Variants in PTPRT observed in about 807,000 individuals in gnomAD.
The protein encoded by PTPRT is protein tyrosine phosphatase receptor type T.
In PTPRT, 56 loss-of-function variants were observed where a neutral mutation model predicts 176.8. The ratio of observed to expected loss-of-function variants is 0.32; its 90% CI spans 0.26 to 0.40. PTPRT has a LOEUF of 0.40. Ranked by LOEUF, PTPRT falls within the 10% of genes least tolerant of loss-of-function variation. PTPRT has a pLI of 1.00. For synonymous variants in PTPRT, 783 were observed against 739.0 expected, an observed-to-expected ratio of 1.06 and a Z score of -0.96; for missense variants, 1,540 against 1,908.2, an observed-to-expected ratio of 0.81 and a Z score of 3.60.
At chr20:42,830,666 T>C (rs2078069454) in intron 2 of PTPRT, among the ~76,000 whole-genome samples, 1 of 152,000 alleles carries the variant, frequency 6.6e-6, no homozygotes, top group Non-Finnish European at 1.5e-5. Context: ...TCCCCCTGTT[T>C]GCATACAACA....
chr20:42,674,979 T>C (rs947193301), intron 7 of PTPRT, among the ~76,000 whole-genome samples: 1 of 152,188 alleles, frequency 6.6e-6, no homozygotes, highest in African/African-American at 2.4e-5. Flanking sequence ...TGTGATTTTG[T>C]ATGTGAGAAA....
At chr20:42,750,244 TA>T (rs1281509556) in intron 6 of PTPRT, among the ~76,000 whole-genome samples, 1 of 152,112 alleles carries the variant, frequency 6.6e-6, no homozygotes, top group East Asian at 1.9e-4. Flanking sequence ...AATAGTAATG[TA>T]AAAAATATGA....
chr20:42,618,411 T>C lies in PTPRT; in HGVS notation c.1153+59455A>G, dbSNP rs1480325088. Among the ~76,000 whole-genome samples, 6 of 136,092 alleles carry C rather than the reference T, an allele frequency of 4.4e-5. 1 individual carries two copies. The highest frequency in any genetic ancestry group is 2.0e-4 in the African/African-American group (6 of 30,532). 89.3% of individuals were successfully genotyped at this position (136,092 alleles called of 152,430 possible). A position where few individuals can be genotyped will look rare whatever the true frequency, so the allele number is the denominator to read the frequency against. On this transcript the variant is annotated intron_variant, in intron 7 of 30. Coordinates refer to ENST00000373187, the MANE Select transcript of PTPRT (RefSeq NM_007050.6). ...GTGTTGTGGTGCTGAAAAAAATGTA[T>C]ATTCTGTTGATTTGGGGTGGAGAGT...
At chr20:42,105,130 G>T (rs1322539666) in intron 24 of PTPRT, among the ~76,000 whole-genome samples, 14 of 152,216 alleles carry the variant, frequency 9.2e-5, no homozygotes. Flanking sequence ...GACAGATGGA[G>T]AGTTGAGGAT....
chr20:42,449,139 C>T (rs1601045242), intron 8 of PTPRT, among the ~76,000 whole-genome samples: 1 of 152,300 alleles, frequency 6.6e-6, no homozygotes, highest in African/African-American at 2.4e-5. Flanking sequence ...TGGCTTGAAA[C>T]CCCAATCCAA....
intron 6 of PTPRT, among the ~76,000 whole-genome samples, chr20:42,706,443 A>G (rs12624619): frequency 0.39 from 58,509 of 151,590 alleles, 12,479 homozygotes; most frequent in African/African-American, 0.57. Flanking sequence ...TAGTGGATGT[A>G]CTAGGTACGT....
At chr20:42,412,499 C>T (rs567978788) in intron 9 of PTPRT, among the ~76,000 whole-genome samples, 40 of 152,304 alleles carry the variant, frequency 2.6e-4, no homozygotes, top group Middle Eastern at 3.4e-3. Context: ...AACAGTTAGG[C>T]AGCTTCTTAT....
At chr20:43,033,498 A>T (rs958824563) in intron 1 of PTPRT, among the ~76,000 whole-genome samples, 1 of 152,142 alleles carries the variant, frequency 6.6e-6, no homozygotes, top group Non-Finnish European at 1.5e-5. Context: ...TGTCATCCGC[A>T]CAGGGACTCC....
rs565410976 is a variant in PTPRT at position 42,606,903 on chromosome 20, A to G, written c.1153+70963T>C. ...ATGCCCATGCTCACAGCAGCTATTC[A>G]TCATAGCTAAATTTTCATCACAGCT... is the stretch of plus-strand genomic sequence containing the variant. On this transcript the variant is annotated intron_variant, in intron 7 of 30. Transcript: ENST00000373187. 1.3e-4 allele frequency: 20 copies of G among 152,172 alleles called. 1 individual carries two copies. Among genetic ancestry groups the G allele is most frequent in the African/African-American group, 3.1e-4 (13 of 41,434 alleles). 9.4% of individuals were successfully genotyped at this position (152,172 alleles called of 1,614,324 possible).
intron 16 of PTPRT, among the ~76,000 whole-genome samples, chr20:42,194,662 G>A (rs1029762342): frequency 6.6e-6 from 1 of 152,136 alleles, no homozygotes; most frequent in East Asian, 1.9e-4. Flanking sequence ...CAAGTACACA[G>A]GGCAGTAAGA....
At position 42,106,864 on chromosome 20, in the gene PTPRT, G is replaced by C. The variant is rs200223012; in HGVS notation, c.3312C>G (p.Ala1104=). The stretch of plus-strand genomic sequence containing the variant: ...AGATGTCCACCACCCCTTCATTCTC[G>C]GCCATGTCAAGCATGGTGTCAATGG... The part of the protein sequence containing the change: ...FIAIDTMLDM[A]ENEGVVDIFN... The change falls in exon 24 of 31, where the codon GCC becomes GCG. Residue 1104 remains alanine (A), a synonymous_variant. Coordinates refer to ENST00000373187, the MANE Select transcript of PTPRT (RefSeq NM_007050.6). The C allele has an allele frequency of 6.2e-7, 1 of 1,614,052 alleles. No individual in the cohort carries two copies. Among genetic ancestry groups the C allele is most frequent in the East Asian group, 2.2e-5 (1 of 44,856 alleles).
At chr20:43,094,564 A>G (rs1222166242) in intron 1 of PTPRT, among the ~76,000 whole-genome samples, 1 of 151,440 alleles carries the variant, frequency 6.6e-6, no homozygotes, top group Non-Finnish European at 1.5e-5. Context: ...ACACCCAGCT[A>G]ATTTTGTATT....
intron 1 of PTPRT, among the ~76,000 whole-genome samples, chr20:43,094,928 T>C (rs2012065111): frequency 1.3e-5 from 2 of 152,128 alleles, no homozygotes; most frequent in Admixed American, 1.3e-4. Flanking sequence ...CCAGGGTAGA[T>C]TTCTAAGAGA....
intron 2 of PTPRT, among the ~76,000 whole-genome samples, chr20:42,817,100 C>T (rs947476575): frequency 6.6e-6 from 1 of 152,176 alleles, no homozygotes; most frequent in African/African-American, 2.4e-5. Context: ...TAAACATTTA[C>T]TATAACAGAA....
At chr20:42,254,480 A>C in intron 13 of PTPRT, among the ~76,000 whole-genome samples, 1 of 152,208 alleles carries the variant, frequency 6.6e-6, no homozygotes, top group East Asian at 1.9e-4. Context: ...CATCACTCTG[A>C]ATCAGGATTT....
chr20:42,243,706 A>T (rs1034670338), intron 14 of PTPRT, among the ~76,000 whole-genome samples: 1 of 152,184 alleles, frequency 6.6e-6, no homozygotes, highest in Non-Finnish European at 1.5e-5. Flanking sequence ...GTCTCCATGG[A>T]CTGACAGAGT....
chr20:42,924,324 T>C (rs1343636907), intron 1 of PTPRT, among the ~76,000 whole-genome samples: 2 of 152,204 alleles, frequency 1.3e-5, no homozygotes, highest in African/African-American at 2.4e-5. Flanking sequence ...AGGAAGGCCA[T>C]GGCATTTGTG....
chr20:42,297,047 G>T (rs2145291139), intron 12 of PTPRT, among the ~76,000 whole-genome samples: 1 of 151,992 alleles, frequency 6.6e-6, no homozygotes, highest in South Asian at 2.1e-4. Context: ...AAAAAGGAAG[G>T]AATGAAATAA....
At chr20:42,387,524 G>A (rs577880867) in intron 9 of PTPRT, among the ~76,000 whole-genome samples, 19 of 152,188 alleles carry the variant, frequency 1.2e-4, no homozygotes, top group Non-Finnish European at 2.5e-4. Flanking sequence ...TGTTGTCGTC[G>A]TCATTTGTTT....
Sources: gnomAD v4.1 joint callset for allele counts (sites outside exome capture counted in the v4.1 genomes callset) on GRCh38, gnomAD v4.1.1 for gene constraint, MANE v1.5 for transcripts, NCBI Gene and HGNC (gene_info 2026-07-23, HGNC 2026-07-21) for gene names.